TBC1D31: variants seen among roughly 807,000 people sequenced by gnomAD.
TBC1D31 encodes WD repeat domain 67.
A neutral mutation model predicts 132.9 loss-of-function variants in TBC1D31; 99 were observed. The ratio of observed to expected loss-of-function variants is 0.74; its 90% confidence interval spans 0.63 to 0.88. The LOEUF (loss-of-function observed/expected upper bound fraction) is 0.88, where lower values mean the gene tolerates loss of function less well. Ranked by LOEUF, TBC1D31 falls within the 40% of genes least tolerant of loss-of-function variation. The probability of loss-of-function intolerance (pLI) is 0.00; values close to 1 mark genes in which losing one functional copy is unlikely to be tolerated. For missense variants in TBC1D31, 1,134 were observed against 1,256.6 expected, an observed-to-expected ratio of 0.90 and a Z score of 1.48; for synonymous variants, 385 against 419.4, an observed-to-expected ratio of 0.92 and a Z score of 1.00.
chr8:123,117,193 T>TA (rs200532451), intron 10 of TBC1D31, among the ~76,000 whole-genome samples: 9,650 of 151,996 alleles, frequency 0.063, 417 homozygotes, highest in Non-Finnish European at 0.092. Context: ...CATGCACCTG[T>TA]AATCCCAGCT....
chr8:123,130,591 G>C (rs933520475), intron 16 of TBC1D31, among the ~76,000 whole-genome samples: 9 of 150,726 alleles, frequency 6.0e-5, no homozygotes, highest in African/African-American at 2.2e-4. Flanking sequence ...ATCAGTATCA[G>C]TTAGCCATTA....
chr8:123,159,806 G>T, the TBC1D31 span, among the ~76,000 whole-genome samples: 2 of 148,074 alleles, frequency 1.4e-5, no homozygotes, highest in Non-Finnish European at 3.0e-5. Flanking sequence ...AAAAAAAAAA[G>T]CTAAGATCAA....
chr8:123,123,627 C>CA (rs1819707610), intron 11 of TBC1D31: 1 of 152,780 alleles, frequency 6.5e-6, no homozygotes, highest in Non-Finnish European at 1.5e-5. Context: ...TGAGAACCAT[C>CA]AAGGCTGAAA....
intron 20 of TBC1D31, among the ~76,000 whole-genome samples, chr8:123,149,393 A>C (rs1360686345): frequency 2.0e-5 from 3 of 152,202 alleles, no homozygotes; most frequent in Non-Finnish European, 4.4e-5. Flanking sequence ...GGCTCGACAC[A>C]TGGAGCTTAG....
At chr8:123,133,739 GAGA>G (rs1459341363) in intron 16 of TBC1D31, among the ~76,000 whole-genome samples, 2 of 152,168 alleles carry the variant, frequency 1.3e-5, no homozygotes, top group Admixed American at 1.3e-4. Flanking sequence ...TATAAAAGTA[GAGA>G]AGTTTAGTCA....
chr8:123,157,150 CTTG>C (rs34794677), downstream of TBC1D31, among the ~76,000 whole-genome samples: 2,877 of 152,266 alleles, frequency 0.019, 84 homozygotes, highest in African/African-American at 0.067. Context: ...GTCTTTTCCC[CTTG>C]TTGTCACCCC....
At chr8:123,102,381 T>G (rs1269619837) in intron 7 of TBC1D31, 2 of 385,594 alleles carry the variant, frequency 5.2e-6, no homozygotes, top group Non-Finnish European at 1.0e-5. Context: ...AAAAAAAAGT[T>G]TGTGCCTCCT....
At position 123,093,602 on chromosome 8, in the gene TBC1D31, A is replaced by G. The variant is rs1816560467; in HGVS notation, c.531A>G (p.Leu177=). ...QSVGIQKVFF[L]PLSNTILSCF... The stretch of plus-strand genomic sequence containing the variant: ...CTATTCCTCCTTAGGTTTTCTTTCT[A>G]CCATTAAGTAATACCATCCTCAGCT... Residue 177 remains leucine (L), a synonymous_variant, in exon 5 of 22, where the codon CTA becomes CTG. Transcript: ENST00000287380. The G allele has an allele frequency of 1.2e-6, 2 of 1,601,692 alleles. No homozygotes were observed. The highest frequency in any genetic ancestry group is 2.2e-5 in the East Asian group (1 of 44,610).
intron 8 of TBC1D31, among the ~76,000 whole-genome samples, chr8:123,106,855 G>A (rs1204314550): frequency 1.3e-5 from 2 of 152,180 alleles, no homozygotes; most frequent in African/African-American, 4.8e-5. Flanking sequence ...AGCAAAATCA[G>A]CAAAGGGAAA....
intron 20 of TBC1D31, 120 bp from the exon 21 acceptor site, chr8:123,149,916 A>G: frequency 3.3e-6 from 2 of 608,296 alleles, no homozygotes; most frequent in Non-Finnish European, 5.8e-6. Context: ...TTCTTAAAAT[A>G]GAAAAGAAAG....
intron 20 of TBC1D31, among the ~76,000 whole-genome samples, chr8:123,146,246 T>A (rs993599517): frequency 1.3e-5 from 2 of 152,224 alleles, no homozygotes; most frequent in Non-Finnish European, 2.9e-5. Context: ...TACATAGTCA[T>A]GCAGCCATCA....
At chr8:123,081,634 C>T (rs1232080892) in intron 2 of TBC1D31, among the ~76,000 whole-genome samples, 1 of 152,146 alleles carries the variant, frequency 6.6e-6, no homozygotes, top group Admixed American at 6.5e-5. Flanking sequence ...ATACCCGAGA[C>T]TGGGTAATTT....
intron 2 of TBC1D31, 159 bp from the exon 3 acceptor site, chr8:123,082,543 C>A: frequency 1.7e-6 from 1 of 596,512 alleles, no homozygotes; most frequent in Non-Finnish European, 3.0e-6. Flanking sequence ...CATCCAAACT[C>A]CTTAATATGG....
Position 123,093,722 on chromosome 8 carries a change from CAA to C in TBC1D31, c.653_654del (p.Lys218SerfsTer28). The C allele has an allele frequency of 6.3e-7, 1 of 1,596,878 alleles. No homozygotes were observed. Among genetic ancestry groups the C allele is most frequent in the Non-Finnish European group, 8.6e-7 (1 of 1,169,276 alleles). On this transcript the variant is annotated frameshift_variant, in exon 5 of 22. Transcript: ENST00000287380. LOFTEE classifies it high-confidence loss of function. ...CACCTGAAAGCTCTAGTATATTATA[CAA>C]AGTGTTTGCTGTAACCAGGTAATGT... The part of the protein sequence containing the change: ...APPESSSILY[K>X]VFAVTRDGRI...
intron 8 of TBC1D31, among the ~76,000 whole-genome samples, chr8:123,106,973 C>G (rs1363564307): frequency 6.6e-6 from 1 of 152,158 alleles, no homozygotes; most frequent in Non-Finnish European, 1.5e-5. Context: ...ATATGTGTGG[C>G]AATATGTGTG....
intron 10 of TBC1D31, among the ~76,000 whole-genome samples, chr8:123,116,038 G>C (rs560735046): frequency 2.0e-5 from 3 of 152,190 alleles, no homozygotes; most frequent in African/African-American, 7.2e-5. Flanking sequence ...AAACAGTAAT[G>C]AAAGGGAATT....
chr8:123,131,330 C>T (rs1422052112), intron 16 of TBC1D31, among the ~76,000 whole-genome samples: 1 of 136,954 alleles, frequency 7.3e-6, no homozygotes, highest in Non-Finnish European at 1.5e-5. Context: ...TGCCACTGCA[C>T]TCCAGCCTGA....
In TBC1D31 at chr8:123,152,059, CTA is replaced by C; in HGVS notation, c.*123_*124del. 3.0e-6 allele frequency: 3 copies of C among 1,009,556 alleles called. No homozygotes were observed. Among genetic ancestry groups the C allele is most frequent in the Non-Finnish European group, 3.9e-6 (3 of 769,564 alleles). The allele number at this position is 1,009,556 out of a possible 1,614,324, so 62.5% of individuals were successfully genotyped here. A position where few individuals can be genotyped will look rare whatever the true frequency, so the allele number is the denominator to read the frequency against. ...CAGCCCTTTGTACAGAAAAATGTGT[CTA>C]TAAAAATTATGTGTTATTTAATTCT... On this transcript the variant is annotated 3_prime_UTR_variant, in exon 22 of 22. Coordinates refer to ENST00000287380, the MANE Select transcript of TBC1D31 (RefSeq NM_145647.4).
In TBC1D31 at chr8:123,139,589, C is replaced by T. The variant is rs78614080; in HGVS notation, c.2500-1172C>T. 8.3e-3 allele frequency among the ~76,000 whole-genome samples: 1,260 copies of T among 152,246 alleles called. 15 individuals carry two copies. The highest frequency in any genetic ancestry group is 0.029 in the African/African-American group (1,225 of 41,542). ...CACTCAGCTAGGCAGTTTATACTTT[C>T]TAGATTCCGCTTCCTGGTTATGCAA... On this transcript the variant is annotated intron_variant, in intron 17 of 21. Transcript: ENST00000287380.
Sources: gnomAD v4.1 joint callset for allele counts (sites outside exome capture counted in the v4.1 genomes callset) on GRCh38, gnomAD v4.1.1 for gene constraint, MANE v1.5 for transcripts, NCBI Gene and HGNC (gene_info 2026-07-23, HGNC 2026-07-21) for gene names.